Variants in ZNF606 observed in about 807,000 individuals in gnomAD.
ZNF606 encodes the protein zinc finger protein 328.
Under a neutral mutation model 74.9 loss-of-function variants are expected in ZNF606, and 37 were observed. The observed-to-expected ratio is 0.49, with a 90% CI of 0.38 to 0.65. The LOEUF (loss-of-function observed/expected upper bound fraction) is 0.65, where lower values mean the gene tolerates loss of function less well. Ranked by LOEUF, ZNF606 falls within the 30% of genes least tolerant of loss-of-function variation. ZNF606 has a pLI of 0.00. For missense variants in ZNF606, 852 were observed against 952.9 expected (o/e 0.89, Z 1.39); for synonymous variants, 328 against 312.4 (o/e 1.05, Z -0.53).
At chr19:58,002,179 G>T (rs956140815) in intron 1 of ZNF606, 59 of 456,792 alleles carry the variant, frequency 1.3e-4, no homozygotes, top group African/African-American at 1.1e-3. Context: ...CATGTTTAAG[G>T]GAACCCGGAG....
intron 4 of ZNF606, among the ~76,000 whole-genome samples, chr19:57,994,693 C>T (rs1282537534): frequency 2.6e-5 from 4 of 152,142 alleles, no homozygotes; most frequent in African/African-American, 4.8e-5. Flanking sequence ...TACTTAAGCT[C>T]ACTAGCAATC....
rs1426458685 is a variant in ZNF606 at position 57,988,714 on chromosome 19, A to G, written c.185T>C (p.Val62Ala). Residue 62 changes from valine (V) to alanine (A), a missense_variant, in exon 5 of 7, where the codon GTG (valine) becomes GCG (alanine). Transcript: ENST00000551380. ...GLPAAQVQEP[V>A]TFKDVAVDFT... ...GTCCACGGCCACGTCCTTGAAGGTC[A>G]CTGGTTCCTAAAAGAACACAAACGT... 6.2e-7 allele frequency: 1 copy of G among 1,614,138 alleles called. No homozygotes were observed. The highest frequency in any genetic ancestry group is 2.2e-5 in the East Asian group (1 of 44,868).
In ZNF606 at chr19:58,002,799, G is replaced by A. The variant is rs1413481269; in HGVS notation, c.-455C>T. 7 of 451,448 alleles carry A rather than the reference G, an allele frequency of 1.6e-5. No homozygotes were observed. Among genetic ancestry groups the A allele is most frequent in the South Asian group, 3.1e-5 (2 of 64,266 alleles). The allele number at this position is 451,448 out of a possible 1,614,324, so 28.0% of individuals were successfully genotyped here. A position where few individuals can be genotyped will look rare whatever the true frequency, so the allele number is the denominator to read the frequency against. ...CCTCACCTCAGCCGCGGACAATGGC[G>A]GCTGCTTCCCCGGCGTCGACCGGAG... On this transcript the variant is annotated 5_prime_UTR_variant, in exon 1 of 7. Coordinates refer to ENST00000551380, the MANE Select transcript of ZNF606 (RefSeq NM_001348022.3).
intron 4 of ZNF606, among the ~76,000 whole-genome samples, chr19:57,993,348 T>C (rs2073288577): frequency 6.6e-6 from 1 of 152,216 alleles, no homozygotes; most frequent in South Asian, 2.1e-4. Flanking sequence ...AGTTGGCTTT[T>C]TTTTTAAAGA....
chr19:57,991,316 T>G (rs955813063), intron 4 of ZNF606, among the ~76,000 whole-genome samples: 1 of 152,178 alleles, frequency 6.6e-6, no homozygotes, highest in African/African-American at 2.4e-5. Flanking sequence ...AGTCCAAAGT[T>G]TGATTTCTGC....
At chr19:57,983,860 G>C (rs2073126618) in intron 6 of ZNF606, among the ~76,000 whole-genome samples, 1 of 152,188 alleles carries the variant, frequency 6.6e-6, no homozygotes. Flanking sequence ...TTCAGGAAAT[G>C]AGAGAAACAA....
chr19:57,982,285 C>T (rs1222800000), intron 6 of ZNF606, among the ~76,000 whole-genome samples: 1 of 152,136 alleles, frequency 6.6e-6, no homozygotes, highest in Non-Finnish European at 1.5e-5. Flanking sequence ...TCACTCCAAC[C>T]TCTGCTTCTG....
At position 57,979,543 on chromosome 19, in the gene ZNF606, T is replaced by C. The variant is rs2073047123; in HGVS notation, c.1137A>G (p.Lys379=). ...EKAYKYNEWE[K]VFGYDSFLTQ... Reference sequence around the variant, plus strand: ...TAAGGAAAGAGTCATACCCAAAGACTTTCTCCCATTCATTGTATTTATACG... The same window carrying C: ...TAAGGAAAGAGTCATACCCAAAGACCTTCTCCCATTCATTGTATTTATACG... The change falls in exon 7 of 7, where the codon AAA becomes AAG. Residue 379 remains lysine (K), a synonymous_variant. Transcript: ENST00000551380. 7 of 1,613,056 alleles carry C rather than the reference T, an allele frequency of 4.3e-6. No individual in the cohort carries two copies. The highest frequency in any genetic ancestry group is 5.9e-6 in the Non-Finnish European group (7 of 1,179,502).
chr19:57,981,729 G>A (rs140922607), intron 6 of ZNF606, among the ~76,000 whole-genome samples: 2 of 152,138 alleles, frequency 1.3e-5, no homozygotes, highest in East Asian at 1.9e-4. Context: ...CAACCCAAAG[G>A]GCAAACATCA....
intron 3 of ZNF606, chr19:58,000,150 G>A: frequency 1.9e-6 from 1 of 523,092 alleles, no homozygotes; most frequent in Admixed American, 3.4e-5. Flanking sequence ...AACCTTCCTG[G>A]GCCTGAACCC....
At chr19:57,996,124 A>G (rs2073338860) in intron 4 of ZNF606, among the ~76,000 whole-genome samples, 1 of 152,246 alleles carries the variant, frequency 6.6e-6, no homozygotes, top group Admixed American at 6.5e-5. Flanking sequence ...CCCATGGGCT[A>G]AAAAACAGGA....
chr19:57,995,343 G>T (rs989576036), intron 4 of ZNF606, among the ~76,000 whole-genome samples: 9 of 152,222 alleles, frequency 5.9e-5, no homozygotes, highest in Admixed American at 5.2e-4. Context: ...AACAATGGGG[G>T]AAAGAGGAAC....
chr19:57,992,934 T>C (rs2073281809), intron 4 of ZNF606, among the ~76,000 whole-genome samples: 1 of 152,212 alleles, frequency 6.6e-6, no homozygotes, highest in African/African-American at 2.4e-5. Context: ...GTTATCTTAA[T>C]GATAAAAGGA....
At chr19:57,980,616 A>C (rs1227825093) in intron 6 of ZNF606, among the ~76,000 whole-genome samples, 2 of 152,090 alleles carry the variant, frequency 1.3e-5, no homozygotes, top group Non-Finnish European at 2.9e-5. Flanking sequence ...CGGGCGGATC[A>C]TGAGGTCAGG....
Position 57,979,292 on chromosome 19 carries a change from T to C in ZNF606, c.1388A>G (p.Lys463Arg), listed in dbSNP as rs2073041414. 6.2e-7 allele frequency: 1 copy of C among 1,614,126 alleles called. No homozygotes were observed. The highest frequency in any genetic ancestry group is 1.3e-5 in the African/African-American group (1 of 75,062). ...IKPYECNKCG[K>R]AFSWNSHLIV... ...AAGATGAGAATTCCAGCTGAAGGCT[T>C]TTCCACATTTATTACATTCATAGGG... The change falls in exon 7 of 7, where the codon AAA becomes AGA. Residue 463 changes from lysine (K) to arginine (R), a missense_variant. This residue lies in a region of ZNF606 where 243 missense variants were observed against 359.2 expected (regional missense o/e 0.68). Transcript: ENST00000551380.
intron 4 of ZNF606, among the ~76,000 whole-genome samples, chr19:57,988,994 A>G (rs1568578775): frequency 6.6e-6 from 1 of 152,210 alleles, no homozygotes; most frequent in Non-Finnish European, 1.5e-5. Flanking sequence ...AAATTCCAGC[A>G]CACTGGCTAT....
In ZNF606 at chr19:57,978,231, C is replaced by G; in HGVS notation, c.*70G>C. 1.4e-6 allele frequency: 2 copies of G among 1,442,344 alleles called. No homozygotes were observed. The highest frequency in any genetic ancestry group is 2.4e-5 in the East Asian group (1 of 42,450). 89.3% of individuals were successfully genotyped at this position (1,442,344 alleles called of 1,614,324 possible). ...GAACTCTTAATGAAAAATGTCCCCT[C>G]TTGATTATGTTTATAGGGTTTTCCT... On this transcript the variant is annotated 3_prime_UTR_variant, in exon 7 of 7. Coordinates refer to ENST00000551380, the MANE Select transcript of ZNF606 (RefSeq NM_001348022.3). This position sits in a 1 kb window ranked among gnomAD's most constrained non-coding sequence, Gnocchi z 4.4.
At chr19:57,996,297 T>C (rs1249508518) in intron 4 of ZNF606, among the ~76,000 whole-genome samples, 1 of 152,022 alleles carries the variant, frequency 6.6e-6, no homozygotes, top group Non-Finnish European at 1.5e-5. Flanking sequence ...AGGTCAGAAG[T>C]TTGAGGCCAG....
At chr19:57,980,475 G>C (rs1279052061) in intron 6 of ZNF606, among the ~76,000 whole-genome samples, 196 bp from the exon 7 acceptor site, 1 of 152,176 alleles carries the variant, frequency 6.6e-6, no homozygotes, top group Non-Finnish European at 1.5e-5. Flanking sequence ...AGAATACAAA[G>C]TGTGTACTGA....
Sources: gnomAD v4.1 joint callset for allele counts (sites outside exome capture counted in the v4.1 genomes callset) on GRCh38, gnomAD v4.1.1 for gene constraint, gnomAD v4.1.1 regional missense constraint, Gnocchi (gnomAD v3.1) non-coding constraint, MANE v1.5 for transcripts, NCBI Gene and HGNC (gene_info 2026-07-23, HGNC 2026-07-21) for gene names.